The following ST7 variants were observed in gnomAD, a reference collection of about 807,000 sequenced individuals.
The protein encoded by ST7 is suppressor of tumorigenicity 7 protein.
In ST7, 28 loss-of-function variants were observed where a neutral mutation model predicts 78.7. That is an observed-to-expected ratio of 0.36 (90% CI 0.26 to 0.49). ST7 has a LOEUF of 0.49. ST7 is among the 20% of genes least tolerant of loss of function. ST7 has a pLI of 0.99. For synonymous variants in ST7, 247 were observed against 249.6 expected (o/e 0.99, Z 0.10); for missense variants, 418 against 696.0 (o/e 0.60, Z 4.49).
intron 1 of ST7, among the ~76,000 whole-genome samples, chr7:116,992,717 C>G (rs1562998150): frequency 6.6e-6 from 1 of 152,208 alleles, no homozygotes; most frequent in Admixed American, 6.5e-5. Flanking sequence ...AATTTCTCCT[C>G]AGAAAATGGG....
intron 1 of ST7, chr7:116,958,469 A>T (rs1792644747): frequency 3.0e-6 from 1 of 329,174 alleles, no homozygotes. Flanking sequence ...CTTAAAATTT[A>T]CATAAAATTG....
intron 1 of ST7, among the ~76,000 whole-genome samples, chr7:116,999,395 C>T (rs1337199238): frequency 1.3e-5 from 2 of 152,220 alleles, no homozygotes; most frequent in Non-Finnish European, 2.9e-5. Flanking sequence ...TTCAGGGCCC[C>T]TTCTTGGGCA....
At chr7:117,129,759 A>C (rs955355207) in intron 3 of ST7, 34 bp from the exon 4 acceptor site, 49 of 1,567,088 alleles carry the variant, frequency 3.1e-5, no homozygotes, top group Non-Finnish European at 4.1e-5. Context: ...CACTGAACTT[A>C]CGCGTAACAT....
intron 12 of ST7, chr7:117,198,256 A>T: frequency 2.2e-6 from 1 of 448,336 alleles, no homozygotes; most frequent in Non-Finnish European, 4.5e-6. Flanking sequence ...GTACCTGCTC[A>T]GTACATGTTG....
rs567014209 is a variant in ST7, at chr7:117,114,547, C to T, written c.235-5014C>T. 1.2e-4 allele frequency among the ~76,000 whole-genome samples: 19 copies of T among 152,286 alleles called. No homozygotes were observed. The East Asian group carries it at 3.7e-3, about 29-fold the overall frequency. On this transcript the variant is annotated intron_variant, in intron 2 of 15. Coordinates refer to ENST00000323984, the MANE Select transcript of ST7 (RefSeq NM_001369598.1). The stretch of plus-strand genomic sequence containing the variant: ...TCTCTGCCATCACTGTATCTATCCT[C>T]CTGTGACATCATTGTCTACTTTAAT...
intron 3 of ST7, 128 bp downstream of exon 3, chr7:117,119,848 T>C: frequency 1.8e-6 from 2 of 1,137,410 alleles, no homozygotes; most frequent in Non-Finnish European, 2.5e-6. Flanking sequence ...GCAGATCATT[T>C]TCCCATGGAG....
chr7:117,085,696 A>T (rs1435043652), intron 1 of ST7, among the ~76,000 whole-genome samples: 2 of 152,216 alleles, frequency 1.3e-5, no homozygotes, highest in Non-Finnish European at 2.9e-5. Flanking sequence ...CTTTGTAGCA[A>T]ATTGAATATA....
intron 9 of ST7, among the ~76,000 whole-genome samples, chr7:117,142,814 G>T (rs1230388699): frequency 6.6e-6 from 1 of 152,140 alleles, no homozygotes; most frequent in Non-Finnish European, 1.5e-5. Flanking sequence ...GTTTCACCGT[G>T]TTGGCCAGGA....
At chr7:116,954,974 T>C (rs1585032845) in intron 1 of ST7, 2 of 345,258 alleles carry the variant, frequency 5.8e-6, no homozygotes, top group East Asian at 1.7e-4. Flanking sequence ...TGTTTTGTAG[T>C]ATCCCTCGGG....
chr7:116,997,598 G>C (rs1705617713), intron 1 of ST7, among the ~76,000 whole-genome samples: 1 of 151,950 alleles, frequency 6.6e-6, no homozygotes, highest in Non-Finnish European at 1.5e-5. Flanking sequence ...CAATCCTTTA[G>C]CTAGACATAA....
chr7:117,160,653 G>GTGTA (rs150222080), intron 9 of ST7, among the ~76,000 whole-genome samples: 1 of 147,622 alleles, frequency 6.8e-6, no homozygotes, highest in African/African-American at 2.5e-5. Context: ...GTGTGTGTGT[G>GTGTA]TATATATATA....
chr7:117,219,293 C>G lies in ST7; in HGVS notation c.1498+117C>G. ...TCTTTTATTACTTTTCTCCAAACCC[C>G]TGTCCTTGTTTGATAGCATATGTAT... On this transcript the variant is annotated intron_variant, in intron 14 of 15. Coordinates refer to ENST00000323984, the MANE Select transcript of ST7 (RefSeq NM_001369598.1). This position sits in a 1 kb window ranked among gnomAD's most constrained non-coding sequence, Gnocchi z 5.1. The G allele has an allele frequency of 1.2e-6, 1 of 854,064 alleles. No individual in the cohort carries two copies. The highest frequency in any genetic ancestry group is 2.4e-5 in the Admixed American group (1 of 41,884). The allele number at this position is 854,064 out of a possible 1,614,324, so 52.9% of individuals were successfully genotyped here.
chr7:117,117,824 T>A (rs1803011269), intron 2 of ST7: 1 of 152,164 alleles, frequency 6.6e-6, no homozygotes, highest in Non-Finnish European at 1.5e-5. Context: ...AGTATGAAAA[T>A]TCAGGACCCT....
intron 12 of ST7, among the ~76,000 whole-genome samples, chr7:117,205,197 CTACCTA>C (rs72066694): frequency 0.047 from 7,168 of 150,976 alleles, 226 homozygotes; most frequent in Non-Finnish European, 0.069. Context: ...TTTTTAATGC[CTACCTA>C]TACCTTTTTT....
intron 1 of ST7, among the ~76,000 whole-genome samples, chr7:117,033,048 G>A (rs1228971952): frequency 6.6e-6 from 1 of 152,160 alleles, no homozygotes; most frequent in Non-Finnish European, 1.5e-5. Flanking sequence ...CTGTAAAATG[G>A]GGATAATATT....
chr7:116,964,486 T>A (rs1365499687), intron 1 of ST7, among the ~76,000 whole-genome samples: 1 of 152,248 alleles, frequency 6.6e-6, no homozygotes. Flanking sequence ...ACTAGTGGGA[T>A]CTAGTTTGTA....
intron 3 of ST7, among the ~76,000 whole-genome samples, chr7:117,126,733 TG>T (rs1390633978): frequency 6.6e-6 from 1 of 151,624 alleles, no homozygotes; most frequent in Non-Finnish European, 1.5e-5. Context: ...GAGGGAGGGC[TG>T]AAAAAAAAGG....
intron 1 of ST7, among the ~76,000 whole-genome samples, chr7:117,005,948 T>C (rs1011937162): frequency 6.6e-6 from 1 of 152,206 alleles, no homozygotes; most frequent in Non-Finnish European, 1.5e-5. Flanking sequence ...TCAACAATAG[T>C]AATTAAATTA....
rs553813147 is a variant in ST7, at chr7:117,050,836, A to G, written c.152-48926A>G. ...TCCCAGCTACTCGGGAGGCTGAGGC[A>G]GGAGAATCACTTGGACCCAGGAGGC... is the stretch of plus-strand genomic sequence containing the variant. On this transcript the variant is annotated intron_variant, in intron 1 of 15. Transcript: ENST00000323984. 5.3e-5 allele frequency among the ~76,000 whole-genome samples: 8 copies of G among 152,064 alleles called. No individual in the cohort carries two copies. In the East Asian group the frequency reaches 7.8e-4, roughly 15 times the overall value.
Sources: allele counts gnomAD v4.1 joint callset (sites outside exome capture counted in the v4.1 genomes callset), GRCh38; gene constraint gnomAD v4.1.1; non-coding constraint Gnocchi (gnomAD v3.1); transcripts MANE v1.5; gene names NCBI Gene and HGNC (gene_info 2026-07-23, HGNC 2026-07-21).